The following PPP2R2C variants were observed in gnomAD, a reference collection of about 807,000 sequenced individuals.
The protein encoded by PPP2R2C is protein phosphatase 2 regulatory subunit Bgamma, also known as protein phosphatase 2, regulatory subunit B, gamma.
Under a neutral mutation model 45.3 loss-of-function variants are expected in PPP2R2C, and 10 were observed. The ratio of observed to expected loss-of-function variants is 0.22; its 90% CI spans 0.14 to 0.37. The LOEUF (loss-of-function observed/expected upper bound fraction) is 0.37, where lower values mean the gene tolerates loss of function less well. Among genes scored for constraint, PPP2R2C ranks in the 10% least tolerant of loss-of-function variants. The pLI is 1.00. For synonymous variants in PPP2R2C, 257 were observed against 245.4 expected (o/e 1.05, Z -0.44); for missense variants, 308 against 619.7 (o/e 0.50, Z 5.34).
chr4:6,407,394 T>C lies in PPP2R2C; in HGVS notation c.71-26300A>G, dbSNP rs7437424. Among the ~76,000 whole-genome samples, 643 of 152,042 alleles carry C rather than the reference T, an allele frequency of 4.2e-3. 6 individuals carry two copies. Among genetic ancestry groups the C allele is most frequent in the African/African-American group, 0.015 (612 of 41,362 alleles). On this transcript the variant is annotated intron_variant, in intron 1 of 8. Coordinates refer to ENST00000382599, the MANE Select transcript of PPP2R2C (RefSeq NM_020416.4). ...ATTTATTGCTAGAAACCCAACTGGT[T>C]TTTTTGTTTGTTTGTTTTTCAGATG...
intron 5 of PPP2R2C, among the ~76,000 whole-genome samples, chr4:6,366,528 T>C (rs978288466): frequency 2.0e-5 from 3 of 152,038 alleles, no homozygotes; most frequent in Non-Finnish European, 4.4e-5. Flanking sequence ...CACCATAAAA[T>C]GGAGGAGGCT....
At chr4:6,442,129 AC>A (rs749543412) in intron 1 of PPP2R2C, among the ~76,000 whole-genome samples, 4 of 152,252 alleles carry the variant, frequency 2.6e-5, no homozygotes, top group Non-Finnish European at 4.4e-5. Flanking sequence ...CCTTGGGTGG[AC>A]CCAGGATGAG....
intron 1 of PPP2R2C, among the ~76,000 whole-genome samples, chr4:6,407,728 C>T (rs1191222544): frequency 1.4e-4 from 21 of 152,148 alleles, no homozygotes; most frequent in Admixed American, 1.4e-3. Context: ...AAGTCAAATA[C>T]CCTTAGACAA....
chr4:6,330,735 T>C lies in PPP2R2C; in HGVS notation c.961-1382A>G, dbSNP rs1732344874. Among the ~76,000 whole-genome samples the C allele has an allele frequency of 6.6e-6, 1 of 152,140 alleles. No individual in the cohort carries two copies. Among genetic ancestry groups the C allele is most frequent in the South Asian group, 2.1e-4 (1 of 4,824 alleles). On this transcript the variant is annotated intron_variant, in intron 7 of 8. Coordinates refer to ENST00000382599, the MANE Select transcript of PPP2R2C (RefSeq NM_020416.4). This position sits in a 1 kb window ranked among gnomAD's most constrained non-coding sequence, Gnocchi z 7.0. Reference sequence around the variant, plus strand: ...GTTTCTCTGAGCCATCTGACTAATATGGTGGCAAGGACTACACAGGAAAAC... The same window carrying C: ...GTTTCTCTGAGCCATCTGACTAATACGGTGGCAAGGACTACACAGGAAAAC...
intron 5 of PPP2R2C, among the ~76,000 whole-genome samples, chr4:6,355,662 G>C (rs574122200): frequency 6.6e-6 from 1 of 151,938 alleles, no homozygotes; most frequent in African/African-American, 2.4e-5. Context: ...CCCCTGCAGC[G>C]TGTTGAAAGT....
At chr4:6,560,227 G>A (rs1180582483) in intron 1 of PPP2R2C, among the ~76,000 whole-genome samples, 1 of 152,232 alleles carries the variant, frequency 6.6e-6, no homozygotes, top group Non-Finnish European at 1.5e-5. Context: ...ACAGTGCACA[G>A]CCCCCCAGGC....
At chr4:6,374,087 ATGC>A (rs1446637262) in intron 4 of PPP2R2C, among the ~76,000 whole-genome samples, 1 of 152,058 alleles carries the variant, frequency 6.6e-6, no homozygotes, top group Non-Finnish European at 1.5e-5. Context: ...TATTTTAGCT[ATGC>A]TGCTAACCTT....
At chr4:6,474,330 G>C (rs1378609613), upstream of PPP2R2C, among the ~76,000 whole-genome samples, 2 of 152,100 alleles carry the variant, frequency 1.3e-5, no homozygotes, top group Non-Finnish European at 2.9e-5. Context: ...AGGGGGCCCA[G>C]GCACAACCTC....
At chr4:6,457,902 T>C (rs1398528989) in intron 1 of PPP2R2C, among the ~76,000 whole-genome samples, 1 of 152,230 alleles carries the variant, frequency 6.6e-6, no homozygotes, top group Non-Finnish European at 1.5e-5. Flanking sequence ...TTTTATCCTT[T>C]GCACTTTCAA....
chr4:6,428,504 G>A (rs10026033), intron 1 of PPP2R2C, among the ~76,000 whole-genome samples: 7,216 of 152,314 alleles, frequency 0.047, 561 homozygotes, highest in African/African-American at 0.17. Flanking sequence ...AGGAGACAGG[G>A]AAGAAACCAA....
intron 2 of PPP2R2C, among the ~76,000 whole-genome samples, chr4:6,495,076 G>T (rs1306564150): frequency 7.2e-5 from 11 of 152,196 alleles, no homozygotes; most frequent in Non-Finnish European, 1.5e-4. Flanking sequence ...CCATCCCACA[G>T]CTGAGGGCCC....
rs151014316 is a variant in PPP2R2C, at chr4:6,336,287, C to T, written c.791-2556G>A. Among the ~76,000 whole-genome samples the T allele has an allele frequency of 4.0e-3, 601 of 152,124 alleles. 5 individuals carry two copies. Among genetic ancestry groups the T allele is most frequent in the African/African-American group, 0.014 (565 of 41,494 alleles). On this transcript the variant is annotated intron_variant, in intron 6 of 8. Coordinates refer to ENST00000382599, the MANE Select transcript of PPP2R2C (RefSeq NM_020416.4). ...CACAGGGGCGCCCTTCTCAGTGGCCCGAGCTTTCCTCTTTCCACAAGGGCA... is the reference window on the plus strand; with the variant it reads ...CACAGGGGCGCCCTTCTCAGTGGCCTGAGCTTTCCTCTTTCCACAAGGGCA...
At chr4:6,369,032 C>T (rs1714580918) in intron 5 of PPP2R2C, among the ~76,000 whole-genome samples, 1 of 152,226 alleles carries the variant, frequency 6.6e-6, no homozygotes, top group South Asian at 2.1e-4. Flanking sequence ...CTGTTTTGCA[C>T]TCTCCCCCTT....
At chr4:6,544,692 C>T (rs549659290) in intron 1 of PPP2R2C, among the ~76,000 whole-genome samples, 1 of 152,268 alleles carries the variant, frequency 6.6e-6, no homozygotes, top group East Asian at 1.9e-4. Flanking sequence ...CCCCTGTGCT[C>T]GGGCAGAAAA....
intron 1 of PPP2R2C, among the ~76,000 whole-genome samples, chr4:6,409,352 C>T (rs1718002038): frequency 6.6e-6 from 1 of 152,290 alleles, no homozygotes; most frequent in East Asian, 1.9e-4. Flanking sequence ...AGCTGACTCC[C>T]AGGCCAGAGA....
At chr4:6,342,554 C>T (rs1210246043) in intron 6 of PPP2R2C, among the ~76,000 whole-genome samples, 1 of 152,238 alleles carries the variant, frequency 6.6e-6, no homozygotes, top group East Asian at 1.9e-4. Flanking sequence ...TATGAAGGGT[C>T]TTGGCCATCA....
intron 1 of PPP2R2C, among the ~76,000 whole-genome samples, chr4:6,457,119 G>A (rs1213216755): frequency 7.0e-6 from 1 of 142,346 alleles, no homozygotes; most frequent in Non-Finnish European, 1.5e-5. Flanking sequence ...TGAGGCAGGA[G>A]AATTGCTTGA....
chr4:6,416,962 G>T (rs1327994263), intron 1 of PPP2R2C, among the ~76,000 whole-genome samples: 1 of 152,148 alleles, frequency 6.6e-6, no homozygotes, highest in Non-Finnish European at 1.5e-5. Context: ...CTTCCTGGGG[G>T]AGAACAGCCA....
At chr4:6,459,777 C>A (rs1171335596) in intron 1 of PPP2R2C, among the ~76,000 whole-genome samples, 3 of 151,928 alleles carry the variant, frequency 2.0e-5, no homozygotes. Context: ...ACAGAGCAAG[C>A]CTCTGTCACA....
Sources: gnomAD v4.1 joint callset for allele counts (sites outside exome capture counted in the v4.1 genomes callset) on GRCh38, gnomAD v4.1.1 for gene constraint, Gnocchi (gnomAD v3.1) non-coding constraint, MANE v1.5 for transcripts, NCBI Gene and HGNC (gene_info 2026-07-23, HGNC 2026-07-21) for gene names.